Variants in SPIDR observed in about 807,000 individuals in gnomAD.
SPIDR encodes the protein scaffold protein involved in DNA repair.
A neutral mutation model predicts 104.6 loss-of-function variants in SPIDR; 93 were observed. That is an observed-to-expected ratio of 0.89 (90% CI 0.75 to 1.06). The LOEUF (loss-of-function observed/expected upper bound fraction) is 1.06, where lower values mean the gene tolerates loss of function less well. Ranked by LOEUF, SPIDR falls within the 50% of genes least tolerant of loss-of-function variation. The pLI is 0.00. For synonymous variants in SPIDR, 431 were observed against 416.9 expected (o/e 1.03, Z -0.41); for missense variants, 1,154 against 1,111.2 (o/e 1.04, Z -0.55).
intron 8 of SPIDR, among the ~76,000 whole-genome samples, chr8:47,508,912 T>G (rs1181563340): frequency 6.6e-6 from 1 of 152,100 alleles, no homozygotes; most frequent in Non-Finnish European, 1.5e-5. Context: ...TGTTACATGA[T>G]TATGTATTAT....
intron 5 of SPIDR, among the ~76,000 whole-genome samples, chr8:47,319,797 C>A: frequency 6.6e-6 from 1 of 152,070 alleles, no homozygotes; most frequent in Non-Finnish European, 1.5e-5. Flanking sequence ...GAAACTCACT[C>A]AAAACTGCTC....
chr8:47,729,464 G>A lies in SPIDR; in HGVS notation c.2603G>A (p.Gly868Glu). The A allele has an allele frequency of 1.3e-6, 2 of 1,596,396 alleles. No homozygotes were observed. The highest frequency in any genetic ancestry group is 2.7e-5 in the African/African-American group (2 of 74,942). Residue 868 changes from glycine to glutamate, a missense_variant and splice_region_variant, in exon 19 of 20, where the codon GGG becomes GAG. Coordinates refer to ENST00000297423, the MANE Select transcript of SPIDR (RefSeq NM_001080394.4). ...SLLRFAAGED[G>E]SYEVKSVLGK... ...CTGAGGTTTGCCGCCGGTGAAGATG[G>A]GGTAAGTGCAGGGGGCCCAGCCCAG...
chr8:47,502,498 A>G (rs1420509008), intron 8 of SPIDR, among the ~76,000 whole-genome samples: 1 of 152,068 alleles, frequency 6.6e-6, no homozygotes, highest in Non-Finnish European at 1.5e-5. Flanking sequence ...CTCCTTTATC[A>G]TTTTTTATTG....
intron 8 of SPIDR, among the ~76,000 whole-genome samples, chr8:47,512,543 A>T (rs753877912): frequency 6.6e-6 from 1 of 152,194 alleles, no homozygotes; most frequent in African/African-American, 2.4e-5. Flanking sequence ...GATTTAGTGC[A>T]GGCCTCAGCT....
intron 7 of SPIDR, chr8:47,419,116 G>T (rs891390561): frequency 6.6e-6 from 1 of 152,188 alleles, no homozygotes; most frequent in Admixed American, 6.5e-5. Flanking sequence ...TTGGTATCAG[G>T]ATGATGCTGG....
intron 1 of SPIDR, among the ~76,000 whole-genome samples, chr8:47,273,279 T>C (rs2035703366): frequency 6.6e-6 from 1 of 152,224 alleles, no homozygotes; most frequent in African/African-American, 2.4e-5. Context: ...TCGATTAATT[T>C]GCTATGTTGG....
chr8:47,640,840 G>GGTTTTTTTTTTTTTT (rs2154446846), intron 10 of SPIDR, among the ~76,000 whole-genome samples: 1 of 34,946 alleles, frequency 2.9e-5, no homozygotes, highest in South Asian at 1.1e-3. Flanking sequence ...GCCACACCCA[G>GGTTTTTTTTTTTTTT]CTTTTTTTTT....
At chr8:47,309,904 T>G (rs587643351) in intron 5 of SPIDR, among the ~76,000 whole-genome samples, 47 of 151,624 alleles carry the variant, frequency 3.1e-4, no homozygotes, top group Non-Finnish European at 2.1e-4. Context: ...CCGGACATGG[T>G]GGCGGGCGCC....
intron 19 of SPIDR, among the ~76,000 whole-genome samples, chr8:47,731,149 G>A (rs954436377): frequency 3.9e-5 from 6 of 152,110 alleles, no homozygotes; most frequent in South Asian, 2.1e-4. Context: ...CCAGCTACTC[G>A]GGAGGCTGAG....
At chr8:47,594,690 A>G (rs551350331) in intron 8 of SPIDR, among the ~76,000 whole-genome samples, 1 of 152,070 alleles carries the variant, frequency 6.6e-6, no homozygotes, top group East Asian at 1.9e-4. Context: ...CCTGAGATAT[A>G]AGAGGCAAAA....
chr8:47,696,792 ATC>A (rs1468553521), intron 11 of SPIDR, among the ~76,000 whole-genome samples: 1 of 152,236 alleles, frequency 6.6e-6, no homozygotes, highest in African/African-American at 2.4e-5. Flanking sequence ...GAATTAGAGA[ATC>A]ACAGAATCCT....
intron 10 of SPIDR, among the ~76,000 whole-genome samples, chr8:47,633,558 G>GGA (rs556758144): frequency 6.7e-5 from 9 of 134,314 alleles, no homozygotes; most frequent in African/African-American, 2.2e-4. Flanking sequence ...GCAAATGATT[G>GGA]AAAAAAAAAA....
At chr8:47,485,766 A>G (rs2077511222) in intron 8 of SPIDR, among the ~76,000 whole-genome samples, 1 of 152,212 alleles carries the variant, frequency 6.6e-6, no homozygotes, top group Non-Finnish European at 1.5e-5. Flanking sequence ...ACCTCCAGCA[A>G]ACTCCAACAG....
intron 5 of SPIDR, among the ~76,000 whole-genome samples, chr8:47,300,243 G>T (rs587726430): frequency 1.2e-4 from 18 of 152,284 alleles, no homozygotes; most frequent in African/African-American, 4.3e-4. Flanking sequence ...TTGTGTAAAG[G>T]TGTTTATAGT....
chr8:47,550,826 A>G (rs2090336714), intron 8 of SPIDR, among the ~76,000 whole-genome samples: 1 of 151,940 alleles, frequency 6.6e-6, no homozygotes, highest in Admixed American at 6.6e-5. Context: ...GTCGTGAAGG[A>G]GGGCATCCCT....
chr8:47,405,291 C>CGTGTGTGTGTGT (rs34302817), intron 6 of SPIDR, among the ~76,000 whole-genome samples: 6 of 144,896 alleles, frequency 4.1e-5, no homozygotes, highest in Middle Eastern at 3.3e-3. Flanking sequence ...CAACATGGCA[C>CGTGTGTGTGTGT]GTGTGTGTGT....
intron 5 of SPIDR, among the ~76,000 whole-genome samples, chr8:47,310,944 C>G (rs782277253): frequency 6.6e-6 from 1 of 152,068 alleles, no homozygotes; most frequent in Non-Finnish European, 1.5e-5. Context: ...AGTAGACACA[C>G]ACATACACAA....
intron 11 of SPIDR, among the ~76,000 whole-genome samples, chr8:47,684,126 C>CAA (rs748328609): frequency 0.025 from 936 of 36,976 alleles, 25 homozygotes; most frequent in Middle Eastern, 0.033. Flanking sequence ...GACTCTGTCT[C>CAA]AAAAAAAAAA....
At chr8:47,511,020 C>T in intron 8 of SPIDR, 1 of 763,618 alleles carries the variant, frequency 1.3e-6, no homozygotes, top group Non-Finnish European at 2.4e-6. Context: ...GGCCAGGCAG[C>T]TGCCTGGGCA....
Sources: allele counts gnomAD v4.1 joint callset (sites outside exome capture counted in the v4.1 genomes callset), GRCh38; gene constraint gnomAD v4.1.1; transcripts MANE v1.5; gene names NCBI Gene and HGNC (gene_info 2026-07-23, HGNC 2026-07-21).